MAP6: variants seen among roughly 807,000 people sequenced by gnomAD.
MAP6 encodes microtubule associated protein 6.
MAP6 carries 26 observed loss-of-function variants against 42.4 expected under a neutral mutation model. That is an observed-to-expected ratio of 0.61 (90% confidence interval 0.45 to 0.85). MAP6 has a LOEUF of 0.85. MAP6 is among the 40% of genes least tolerant of loss of function. The pLI, the probability that MAP6 is intolerant of heterozygous loss-of-function variation, is 0.00. For synonymous variants in MAP6, 418 were observed against 443.8 expected (o/e 0.94, Z 0.73); for missense variants, 966 against 1,099.0 (o/e 0.88, Z 1.71).
At chr11:75,615,786 A>G (rs1057061833) in intron 1 of MAP6, among the ~76,000 whole-genome samples, 1 of 152,184 alleles carries the variant, frequency 6.6e-6, no homozygotes, top group African/African-American at 2.4e-5. Context: ...TACCCACTAT[A>G]AACAGATGTT....
chr11:75,587,463 C>G lies in MAP6; in HGVS notation c.2038G>C (p.Val680Leu). ...KNQGLVVSGPVKDQDVVVPEH... is the reference protein window; with the variant it reads ...KNQGLVVSGPLKDQDVVVPEH... ...GGGACTACAACATCTTGATCCTTGACTGGCCCTGAGACCACTAAACCTTGA... is the reference window on the plus strand; with the variant it reads ...GGGACTACAACATCTTGATCCTTGAGTGGCCCTGAGACCACTAAACCTTGA... The change falls in exon 4 of 4, where the codon GTC becomes CTC. Residue 680 changes from valine to leucine, a missense_variant. Coordinates refer to ENST00000304771, the MANE Select transcript of MAP6 (RefSeq NM_033063.2). The G allele has an allele frequency of 6.2e-7, 1 of 1,614,172 alleles. No homozygotes were observed. The highest frequency in any genetic ancestry group is 8.5e-7 in the Non-Finnish European group (1 of 1,180,024).
At chr11:75,606,108 C>T in intron 2 of MAP6, 104 bp from the exon 3 acceptor site, 1 of 1,391,298 alleles carries the variant, frequency 7.2e-7, no homozygotes, top group South Asian at 1.3e-5. Context: ...ACGGTAATGA[C>T]AGAGGTTGGC....
chr11:75,662,264 A>G, intron 1 of MAP6, among the ~76,000 whole-genome samples: 1 of 152,152 alleles, frequency 6.6e-6, no homozygotes, highest in East Asian at 1.9e-4. Context: ...TACTTACCTC[A>G]CTCCATTCAT....
chr11:75,617,321 A>G (rs975342660), intron 1 of MAP6, among the ~76,000 whole-genome samples: 1 of 152,134 alleles, frequency 6.6e-6, no homozygotes, highest in African/African-American at 2.4e-5. Context: ...GTTCGAGACC[A>G]GCCTGGCCAA....
chr11:75,590,672 A>T (rs1942461217), intron 3 of MAP6, among the ~76,000 whole-genome samples: 2 of 152,214 alleles, frequency 1.3e-5, no homozygotes, highest in Admixed American at 1.3e-4. Context: ...CAAGTCCCCA[A>T]TATTACTTTT....
At chr11:75,599,933 G>A (rs769617029) in intron 3 of MAP6, among the ~76,000 whole-genome samples, 2 of 152,182 alleles carry the variant, frequency 1.3e-5, no homozygotes, top group African/African-American at 4.8e-5. Flanking sequence ...TCAGTGGAAT[G>A]GCACAGAAAG....
rs1344065200 is a variant in MAP6, at chr11:75,668,041, G to A, written c.329C>T (p.Ser110Phe). 5.7e-6 allele frequency: 7 copies of A among 1,229,034 alleles called. No individual in the cohort carries two copies. In the Admixed American group the frequency reaches 2.1e-4, roughly 38 times the overall value. 76.1% of individuals were successfully genotyped at this position (1,229,034 alleles called of 1,614,324 possible). A position where few individuals can be genotyped will look rare whatever the true frequency, so the allele number is the denominator to read the frequency against. The stretch of plus-strand genomic sequence containing the variant: ...GTCCGCGGGGCCGGAGGTGGAGCCG[G>A]AGCCCAGGCCCGGGCCCGGCCCGCT... ...GRSGPGPGLG[S>F]GSTSGPADSV... Residue 110 changes from serine to phenylalanine, a missense_variant, in exon 1 of 4, where the codon TCC (serine) becomes TTC (phenylalanine). Ser to Phe is a radical substitution (Grantham distance 155, BLOSUM62 -2). Coordinates refer to ENST00000304771, the MANE Select transcript of MAP6 (RefSeq NM_033063.2).
intron 1 of MAP6, among the ~76,000 whole-genome samples, chr11:75,616,752 C>T (rs536247592): frequency 5.9e-5 from 9 of 152,152 alleles, no homozygotes; most frequent in African/African-American, 9.7e-5. Context: ...CATGCTTGTG[C>T]GCAGCTCTCA....
chr11:75,639,845 G>A (rs1447688699), intron 1 of MAP6, among the ~76,000 whole-genome samples: 1 of 152,140 alleles, frequency 6.6e-6, no homozygotes. Flanking sequence ...ATCCTCCTGG[G>A]CACAGCTGTG....
At chr11:75,655,431 G>A (rs1289424589) in intron 1 of MAP6, among the ~76,000 whole-genome samples, 1 of 152,208 alleles carries the variant, frequency 6.6e-6, no homozygotes, top group Non-Finnish European at 1.5e-5. Flanking sequence ...CACCTGCTGA[G>A]GTCCATATGA....
chr11:75,623,119 T>C (rs180804948), intron 1 of MAP6, among the ~76,000 whole-genome samples: 2 of 152,222 alleles, frequency 1.3e-5, no homozygotes, highest in East Asian at 3.9e-4. Flanking sequence ...AACTAATGAA[T>C]AGACAAAATG....
At chr11:75,655,470 C>T (rs1943731456) in intron 1 of MAP6, among the ~76,000 whole-genome samples, 1 of 152,142 alleles carries the variant, frequency 6.6e-6, no homozygotes, top group Non-Finnish European at 1.5e-5. Context: ...GCTGAGAATA[C>T]CCAAGAAAAG....
intron 1 of MAP6, among the ~76,000 whole-genome samples, chr11:75,640,445 A>G (rs1323841849): frequency 6.6e-6 from 1 of 152,166 alleles, no homozygotes; most frequent in Non-Finnish European, 1.5e-5. Context: ...TTCAAACATG[A>G]CTGTTTGGGG....
At chr11:75,608,011 G>T in intron 2 of MAP6, 98 bp downstream of exon 2, 2 of 1,179,430 alleles carry the variant, frequency 1.7e-6, no homozygotes, top group Non-Finnish European at 2.5e-6. Context: ...TGCCCGTGGA[G>T]GCTGGGCCAG....
chr11:75,603,063 C>T, intron 3 of MAP6: 3 of 985,716 alleles, frequency 3.0e-6, no homozygotes, highest in Non-Finnish European at 3.6e-6. Flanking sequence ...CAACAAAACC[C>T]AGGCCACAAA....
intron 2 of MAP6, 21 bp downstream of exon 2, chr11:75,608,088 T>C (rs1171006661): frequency 1.9e-6 from 3 of 1,610,162 alleles, no homozygotes; most frequent in Non-Finnish European, 2.5e-6. Flanking sequence ...TGCTGATGGG[T>C]TCCCACAAGG....
At chr11:75,648,708 G>A (rs1246234680) in intron 1 of MAP6, among the ~76,000 whole-genome samples, 4 of 152,136 alleles carry the variant, frequency 2.6e-5, no homozygotes, top group African/African-American at 9.7e-5. Flanking sequence ...ACAGAAAAAA[G>A]ATTAGTAATC....
chr11:75,647,032 G>A (rs1487652237), intron 1 of MAP6, among the ~76,000 whole-genome samples: 2 of 150,288 alleles, frequency 1.3e-5, no homozygotes, highest in East Asian at 3.9e-4. Flanking sequence ...CCAGGCTGGA[G>A]TGCAGTGACA....
chr11:75,628,751 G>A (rs944676975), intron 1 of MAP6, among the ~76,000 whole-genome samples: 2 of 152,208 alleles, frequency 1.3e-5, no homozygotes, highest in Non-Finnish European at 2.9e-5. Flanking sequence ...TGTGAAAGGG[G>A]AGGGGAAGAA....
Sources: gnomAD v4.1 joint callset for allele counts (sites outside exome capture counted in the v4.1 genomes callset) on GRCh38, gnomAD v4.1.1 for gene constraint, MANE v1.5 for transcripts, NCBI Gene and HGNC (gene_info 2026-07-23, HGNC 2026-07-21) for gene names.